The following RSBN1L variants were observed in gnomAD, a reference collection of about 807,000 sequenced individuals.
The protein encoded by RSBN1L is lysine-specific demethylase RSBN1L.
RSBN1L carries 30 observed loss-of-function variants against 67.7 expected under a neutral mutation model. That is an observed-to-expected ratio of 0.44 (90% confidence interval 0.33 to 0.60). The LOEUF is 0.60. RSBN1L is among the 20% of genes least tolerant of loss of function. The pLI, the probability that RSBN1L is intolerant of heterozygous loss-of-function variation, is 0.02. For synonymous variants in RSBN1L, 433 were observed against 387.0 expected, an observed-to-expected ratio of 1.12 and a Z score of -1.39; for missense variants, 992 against 1,031.7, an observed-to-expected ratio of 0.96 and a Z score of 0.53.
Position 77,715,260 on chromosome 7 carries a change from ACT to A in RSBN1L, c.586+18208_586+18209del, listed in dbSNP as rs528548141. The stretch of plus-strand genomic sequence containing the variant: ...GCAGTCCAACCTGCAACAGAGTAAG[ACT>A]CTGTCTCAAAAAGAAAGAAAGATTA... On this transcript the variant is annotated intron_variant, in intron 1 of 7. Coordinates refer to ENST00000334955, the MANE Select transcript of RSBN1L (RefSeq NM_198467.3). Among the ~76,000 whole-genome samples, 69 of 152,038 alleles carry A rather than the reference ACT, an allele frequency of 4.5e-4. 2 individuals are homozygous for A. In the South Asian group the frequency reaches 0.013, roughly 29 times the overall value.
intron 2 of RSBN1L, among the ~76,000 whole-genome samples, chr7:77,741,903 C>G (rs1476188215): frequency 6.6e-6 from 1 of 151,836 alleles, no homozygotes; most frequent in Non-Finnish European, 1.5e-5. Flanking sequence ...TGCTAGTACC[C>G]CAGTTTGGTT....
At chr7:77,755,726 G>A (rs2150427969) in intron 3 of RSBN1L, among the ~76,000 whole-genome samples, 1 of 152,098 alleles carries the variant, frequency 6.6e-6, no homozygotes, top group South Asian at 2.1e-4. Context: ...AAAAAAAATT[G>A]TAAGTAAGCT....
At chr7:77,767,290 AT>A (rs66814358) in intron 4 of RSBN1L, among the ~76,000 whole-genome samples, 144,499 of 148,508 alleles carry the variant, frequency 0.97, 70,368 homozygotes, top group East Asian at 1. Flanking sequence ...GTGTGGTGAA[AT>A]TTTTTTTTTT....
chr7:77,756,120 A>C (rs1791613433), intron 3 of RSBN1L, among the ~76,000 whole-genome samples: 1 of 151,998 alleles, frequency 6.6e-6, no homozygotes, highest in Admixed American at 6.6e-5. Context: ...AATGGTGCAA[A>C]TCTGACTTTT....
intron 2 of RSBN1L, among the ~76,000 whole-genome samples, chr7:77,740,261 A>T (rs1222885694): frequency 1.3e-5 from 2 of 152,244 alleles, no homozygotes; most frequent in African/African-American, 4.8e-5. Context: ...GCTTTTTCTG[A>T]TTGTATGCAT....
In RSBN1L at chr7:77,718,378, A is replaced by G. The variant is rs1366540287; in HGVS notation, c.587-18032A>G. Among the ~76,000 whole-genome samples the G allele has an allele frequency of 2.6e-4, 39 of 152,108 alleles. 1 individual carries two copies. The highest frequency in any genetic ancestry group is 2.6e-3 in the Admixed American group (39 of 15,276). Reference sequence around the variant, plus strand: ...AGGCACTGGTGCAATCACGGCTTCAACTTCTGGGCTCAGTTGATCCTCCCA... The same window carrying G: ...AGGCACTGGTGCAATCACGGCTTCAGCTTCTGGGCTCAGTTGATCCTCCCA... On this transcript the variant is annotated intron_variant, in intron 1 of 7. Transcript: ENST00000334955.
At chr7:77,768,598 T>C in intron 4 of RSBN1L, 63 bp from the exon 5 acceptor site, 1 of 1,296,350 alleles carries the variant, frequency 7.7e-7, no homozygotes, top group Non-Finnish European at 1.1e-6. Flanking sequence ...AATATTATTA[T>C]TAACATACAC....
chr7:77,730,935 T>C (rs1265353841), intron 1 of RSBN1L, among the ~76,000 whole-genome samples: 1 of 152,234 alleles, frequency 6.6e-6, no homozygotes, highest in Non-Finnish European at 1.5e-5. Flanking sequence ...TATTTAGTTT[T>C]GTAATAAACT....
intron 6 of RSBN1L, among the ~76,000 whole-genome samples, chr7:77,776,883 T>C (rs1014978702): frequency 2.6e-4 from 40 of 152,010 alleles, no homozygotes; most frequent in African/African-American, 9.2e-4. Context: ...TTAATTGGAG[T>C]ATTTAGATTA....
At chr7:77,738,497 T>C (rs1791365646) in intron 2 of RSBN1L, among the ~76,000 whole-genome samples, 1 of 152,198 alleles carries the variant, frequency 6.6e-6, no homozygotes, top group Admixed American at 6.5e-5. Context: ...AGTAATAATT[T>C]AATTACTGCC....
At chr7:77,744,226 G>T (rs992901024) in intron 2 of RSBN1L, among the ~76,000 whole-genome samples, 1 of 150,712 alleles carries the variant, frequency 6.6e-6, no homozygotes, top group Non-Finnish European at 1.5e-5. Flanking sequence ...TGTAGAGACA[G>T]GGTCTCACCA....
intron 2 of RSBN1L, among the ~76,000 whole-genome samples, chr7:77,740,959 T>TC (rs747302272): frequency 6.6e-6 from 1 of 151,090 alleles, no homozygotes; most frequent in South Asian, 2.1e-4. Flanking sequence ...GGGGAGGGTC[T>TC]CCCATCAACA....
At chr7:77,742,684 A>G (rs1469222956) in intron 2 of RSBN1L, among the ~76,000 whole-genome samples, 1 of 152,120 alleles carries the variant, frequency 6.6e-6, no homozygotes, top group East Asian at 1.9e-4. Context: ...CTAAAAATAC[A>G]AAATTAGCCA....
intron 3 of RSBN1L, among the ~76,000 whole-genome samples, chr7:77,755,547 T>C (rs961928675): frequency 1.3e-5 from 2 of 152,088 alleles, no homozygotes; most frequent in South Asian, 2.1e-4. Flanking sequence ...GCACCTGTAA[T>C]CCCAGCTTCT....
chr7:77,733,244 C>T (rs1351151716), intron 1 of RSBN1L, among the ~76,000 whole-genome samples: 1 of 152,110 alleles, frequency 6.6e-6, no homozygotes, highest in Admixed American at 6.6e-5. Context: ...GAGGTGAGAG[C>T]AAGACAGATG....
At chr7:77,720,499 C>T (rs541679809) in intron 1 of RSBN1L, among the ~76,000 whole-genome samples, 125 of 152,078 alleles carry the variant, frequency 8.2e-4, no homozygotes, top group African/African-American at 2.7e-3. Context: ...GCAGAGGTTG[C>T]GGTGAGCTGA....
chr7:77,699,310 T>C (rs892276212), intron 1 of RSBN1L, among the ~76,000 whole-genome samples: 1 of 152,140 alleles, frequency 6.6e-6, no homozygotes, highest in South Asian at 2.1e-4. Flanking sequence ...AAAACAAAAC[T>C]GAACCACACA....
chr7:77,716,345 C>T (rs1210266962), intron 1 of RSBN1L, among the ~76,000 whole-genome samples: 13 of 151,096 alleles, frequency 8.6e-5, no homozygotes, highest in Admixed American at 5.3e-4. Context: ...TTTTTGACAC[C>T]GTCTCTCACT....
chr7:77,753,986 T>A (rs1791586933), intron 3 of RSBN1L, among the ~76,000 whole-genome samples: 1 of 152,196 alleles, frequency 6.6e-6, no homozygotes, highest in Non-Finnish European at 1.5e-5. Flanking sequence ...CTGGGCTCCC[T>A]TTGATTCCAT....
Sources: gnomAD v4.1 joint callset for allele counts (sites outside exome capture counted in the v4.1 genomes callset) on GRCh38, gnomAD v4.1.1 for gene constraint, MANE v1.5 for transcripts, NCBI Gene and HGNC (gene_info 2026-07-23, HGNC 2026-07-21) for gene names.